Variants in LDAH observed in about 807,000 individuals in gnomAD.
The protein encoded by LDAH is lipid droplet associated hydrolase, also known as lipid droplet-associated hydrolase.
LDAH carries 26 observed loss-of-function variants against 29.6 expected under a neutral mutation model. That is an observed-to-expected ratio of 0.88 (90% confidence interval 0.64 to 1.22). The LOEUF is 1.22. LDAH is among the 50% of genes most tolerant of loss of function. LDAH has a pLI of 0.00. For synonymous variants in LDAH, 117 were observed against 133.0 expected (o/e 0.88, Z 0.83); for missense variants, 344 against 387.3 (o/e 0.89, Z 0.94).
chr2:20,771,136 G>T (rs561022719), intron 4 of LDAH, among the ~76,000 whole-genome samples: 1 of 152,178 alleles, frequency 6.6e-6, no homozygotes, highest in South Asian at 2.1e-4. Context: ...TTAAATGCCA[G>T]ATTTTTTTAA....
chr2:20,768,217 C>T (rs989372492), intron 4 of LDAH, among the ~76,000 whole-genome samples: 2 of 152,186 alleles, frequency 1.3e-5, no homozygotes, highest in South Asian at 4.1e-4. Flanking sequence ...AAACATGCCC[C>T]CTGCTCGCCA....
chr2:20,763,542 C>T (rs963372900), intron 4 of LDAH, among the ~76,000 whole-genome samples: 13 of 152,166 alleles, frequency 8.5e-5, no homozygotes, highest in Admixed American at 6.5e-5. Flanking sequence ...CAAATTAGTG[C>T]CCAGTGTCAT....
At chr2:20,716,943 A>G (rs544979974) in intron 5 of LDAH, among the ~76,000 whole-genome samples, 2 of 150,910 alleles carry the variant, frequency 1.3e-5, no homozygotes, top group Non-Finnish European at 3.0e-5. Flanking sequence ...TGAGTTAATA[A>G]AAGGGTGTTG....
At chr2:20,760,299 G>T (rs1011023074) in intron 4 of LDAH, among the ~76,000 whole-genome samples, 3 of 152,088 alleles carry the variant, frequency 2.0e-5, no homozygotes, top group African/African-American at 7.2e-5. Flanking sequence ...TCTTAGAGGT[G>T]GGTTTTCCTG....
chr2:20,822,680 G>T (rs896331260), intron 1 of LDAH, among the ~76,000 whole-genome samples: 9 of 152,206 alleles, frequency 5.9e-5, no homozygotes, highest in Admixed American at 2.0e-4. Flanking sequence ...CCGGCCCAGA[G>T]TTTGACCCCT....
intron 1 of LDAH, 57 bp from the exon 2 acceptor site, chr2:20,801,522 A>G: frequency 6.8e-7 from 1 of 1,480,258 alleles, no homozygotes; most frequent in Non-Finnish European, 9.3e-7. Context: ...ACCTTGAGCC[A>G]AAGACAAAAT....
chr2:20,775,930 G>C lies in LDAH; in HGVS notation c.299-951C>G, dbSNP rs942826542. On this transcript the variant is annotated intron_variant, in intron 3 of 6. Transcript: ENST00000237822. ...GTGACTAGTACACAGCAAATGTTAT[G>C]GCTGAATGAAAACTGGAACTGACTA... 4.6e-5 allele frequency among the ~76,000 whole-genome samples: 7 copies of C among 152,120 alleles called. 1 individual carries two copies. The highest frequency in any genetic ancestry group is 4.6e-4 in the Admixed American group (7 of 15,270).
intron 5 of LDAH, among the ~76,000 whole-genome samples, chr2:20,723,220 C>T (rs1665783248): frequency 6.6e-6 from 1 of 152,166 alleles, no homozygotes; most frequent in Non-Finnish European, 1.5e-5. Flanking sequence ...AGAAGTCAGA[C>T]ACAAACAAGT....
At chr2:20,696,242 C>T (rs889489883) in intron 6 of LDAH, among the ~76,000 whole-genome samples, 1 of 152,134 alleles carries the variant, frequency 6.6e-6, no homozygotes, top group African/African-American at 2.4e-5. Flanking sequence ...ATTTGCATGC[C>T]CCAATCTGCA....
At chr2:20,815,878 T>C (rs1042798407) in intron 1 of LDAH, among the ~76,000 whole-genome samples, 22 of 152,276 alleles carry the variant, frequency 1.4e-4, no homozygotes, top group Middle Eastern at 3.4e-3. Context: ...AAATGAACTA[T>C]TCTTCATCTT....
chr2:20,782,138 C>G (rs936666119), intron 3 of LDAH, among the ~76,000 whole-genome samples: 1 of 152,140 alleles, frequency 6.6e-6, no homozygotes, highest in Admixed American at 6.5e-5. Context: ...GGACCAGCAG[C>G]ACCAATATTA....
intron 4 of LDAH, among the ~76,000 whole-genome samples, chr2:20,764,090 A>G (rs35211422): frequency 3.3e-3 from 503 of 152,346 alleles, no homozygotes; most frequent in Non-Finnish European, 5.7e-3. Context: ...AAATACACAG[A>G]TAACTAAAAA....
At chr2:20,795,913 C>T (rs1671270509) in intron 2 of LDAH, among the ~76,000 whole-genome samples, 1 of 150,776 alleles carries the variant, frequency 6.6e-6, no homozygotes, top group Non-Finnish European at 1.5e-5. Flanking sequence ...ATTATTACCA[C>T]AGTGTAAATA....
intron 5 of LDAH, among the ~76,000 whole-genome samples, chr2:20,735,960 G>A (rs1666747130): frequency 6.6e-6 from 1 of 152,086 alleles, no homozygotes; most frequent in African/African-American, 2.4e-5. Context: ...CATTACTGCA[G>A]GGCAGTGATG....
chr2:20,816,066 C>T (rs1448505807), intron 1 of LDAH, among the ~76,000 whole-genome samples: 2 of 151,970 alleles, frequency 1.3e-5, no homozygotes, highest in African/African-American at 2.4e-5. Flanking sequence ...AAAAGTATCC[C>T]TTGTGATAAG....
intron 1 of LDAH, among the ~76,000 whole-genome samples, chr2:20,821,182 C>T (rs1271091143): frequency 1.3e-5 from 2 of 152,122 alleles, no homozygotes; most frequent in East Asian, 1.9e-4. Flanking sequence ...TGTAAACTAG[C>T]TCAACCATTG....
intron 2 of LDAH, among the ~76,000 whole-genome samples, chr2:20,795,485 T>A (rs1461315053): frequency 6.6e-6 from 1 of 152,148 alleles, no homozygotes. Flanking sequence ...GAATTATGAT[T>A]CAGTGTACTC....
At chr2:20,796,995 A>G (rs1159386788) in intron 2 of LDAH, among the ~76,000 whole-genome samples, 1 of 152,178 alleles carries the variant, frequency 6.6e-6, no homozygotes, top group Non-Finnish European at 1.5e-5. Flanking sequence ...CTCGAGTTTA[A>G]GATAATGTTT....
chr2:20,800,167 G>A (rs183806336), intron 2 of LDAH, among the ~76,000 whole-genome samples: 1 of 152,140 alleles, frequency 6.6e-6, no homozygotes, highest in African/African-American at 2.4e-5. Flanking sequence ...AGAAGACATG[G>A]CAGAATTGTT....
Sources: gnomAD v4.1 joint callset for allele counts (sites outside exome capture counted in the v4.1 genomes callset) on GRCh38, gnomAD v4.1.1 for gene constraint, MANE v1.5 for transcripts, NCBI Gene and HGNC (gene_info 2026-07-23, HGNC 2026-07-21) for gene names.